The following PXDNL variants were observed in gnomAD, a reference collection of about 807,000 sequenced individuals.
PXDNL encodes the protein peroxidasin like, also known as probable oxidoreductase PXDNL.
In PXDNL, 145 loss-of-function variants were observed where a neutral mutation model predicts 150.8. That is an observed-to-expected ratio of 0.96 (90% CI 0.84 to 1.10). The LOEUF is 1.10. Ranked by LOEUF, PXDNL falls within the 50% of genes least tolerant of loss-of-function variation. PXDNL has a pLI of 0.00. For missense variants in PXDNL, 2,087 were observed against 1,873.9 expected (o/e 1.11, Z -2.10); for synonymous variants, 757 against 725.7 (o/e 1.04, Z -0.69).
chr8:51,708,752 A>G (rs979571366), intron 1 of PXDNL, among the ~76,000 whole-genome samples: 26 of 152,236 alleles, frequency 1.7e-4, no homozygotes, highest in African/African-American at 6.3e-4. Flanking sequence ...CCTTAGGTTC[A>G]ATTTATACCA....
chr8:51,488,458 G>A (rs566069703), intron 5 of PXDNL, among the ~76,000 whole-genome samples: 3 of 152,252 alleles, frequency 2.0e-5, no homozygotes, highest in African/African-American at 4.8e-5. Context: ...ACAGAACACC[G>A]ACAGCTAAGA....
At chr8:51,486,515 A>T (rs1247215597) in intron 5 of PXDNL, among the ~76,000 whole-genome samples, 1 of 151,922 alleles carries the variant, frequency 6.6e-6, no homozygotes, top group African/African-American at 2.4e-5. Flanking sequence ...CTAGAATACT[A>T]TCCCAGTAGT....
intron 2 of PXDNL, among the ~76,000 whole-genome samples, chr8:51,629,705 A>T (rs917591266): frequency 6.6e-6 from 1 of 152,178 alleles, no homozygotes; most frequent in East Asian, 1.9e-4. Context: ...AGCGACCCAC[A>T]GTAAGATTAA....
At chr8:51,389,204 T>A (rs1172319610) in intron 17 of PXDNL, among the ~76,000 whole-genome samples, 1 of 152,042 alleles carries the variant, frequency 6.6e-6, no homozygotes, top group Non-Finnish European at 1.5e-5. Context: ...GCCTAGAGAG[T>A]GATTTGACAT....
intron 1 of PXDNL, among the ~76,000 whole-genome samples, chr8:51,730,573 A>T (rs564053288): frequency 1.1e-4 from 17 of 152,310 alleles, no homozygotes; most frequent in Middle Eastern, 3.4e-3. Context: ...CTAATGGCTA[A>T]CCCTCTAATT....
At chr8:51,597,008 G>A (rs1813585403) in intron 2 of PXDNL, among the ~76,000 whole-genome samples, 1 of 152,134 alleles carries the variant, frequency 6.6e-6, no homozygotes, top group Non-Finnish European at 1.5e-5. Context: ...GTATTTCGTA[G>A]GTTTTCTTCT....
intron 7 of PXDNL, among the ~76,000 whole-genome samples, chr8:51,474,540 C>T (rs1207382044): frequency 6.6e-6 from 1 of 152,070 alleles, no homozygotes; most frequent in Non-Finnish European, 1.5e-5. Flanking sequence ...TTTAAAAAAT[C>T]AATTACTGAA....
At chr8:51,808,882 G>A (rs2037705589) in intron 1 of PXDNL, among the ~76,000 whole-genome samples, 1 of 152,192 alleles carries the variant, frequency 6.6e-6, no homozygotes, top group African/African-American at 2.4e-5. Flanking sequence ...AATAAATTGA[G>A]AAAGTATGCA....
At chr8:51,542,258 G>C (rs1418210112) in intron 4 of PXDNL, among the ~76,000 whole-genome samples, 1 of 152,020 alleles carries the variant, frequency 6.6e-6, no homozygotes, top group East Asian at 1.9e-4. Flanking sequence ...CCTCAGACAA[G>C]GTTACCCTGA....
intron 17 of PXDNL, among the ~76,000 whole-genome samples, chr8:51,375,063 A>C (rs1486337234): frequency 6.6e-6 from 1 of 152,178 alleles, no homozygotes; most frequent in Non-Finnish European, 1.5e-5. Context: ...GTGTTATGTC[A>C]TGTATAAATG....
chr8:51,475,614 C>A (rs1338897444), intron 6 of PXDNL, among the ~76,000 whole-genome samples: 2 of 152,050 alleles, frequency 1.3e-5, no homozygotes, highest in Non-Finnish European at 2.9e-5. Flanking sequence ...TAAAAATTTT[C>A]TTTAATTTCT....
chr8:51,406,783 C>T (rs904504353), intron 17 of PXDNL, among the ~76,000 whole-genome samples: 11 of 152,182 alleles, frequency 7.2e-5, no homozygotes, highest in Non-Finnish European at 4.4e-5. Context: ...AGCAGCTCCC[C>T]GGCTCCCCCG....
chr8:51,362,295 C>T (rs1355860764), intron 19 of PXDNL, among the ~76,000 whole-genome samples: 1 of 152,160 alleles, frequency 6.6e-6, no homozygotes, highest in Non-Finnish European at 1.5e-5. Context: ...TTGCTCTATT[C>T]CTTAATGGGC....
At chr8:51,361,098 T>G (rs1464720894) in intron 19 of PXDNL, among the ~76,000 whole-genome samples, 1 of 152,232 alleles carries the variant, frequency 6.6e-6, no homozygotes, top group Non-Finnish European at 1.5e-5. Context: ...TCACAGCAAC[T>G]GGGGATCATG....
At chr8:51,440,026 GTGAGACAGATATACATATATATA>G (rs890727710) in intron 12 of PXDNL, among the ~76,000 whole-genome samples, 1 of 151,348 alleles carries the variant, frequency 6.6e-6, no homozygotes, top group African/African-American at 2.4e-5. Flanking sequence ...TGAAGAAATT[GTGAGACAGATATACATATATATA>G]TATGTATATA....
At chr8:51,483,825 TGAGA>T in intron 5 of PXDNL, 111 bp from the exon 6 acceptor site, 1 of 658,222 alleles carries the variant, frequency 1.5e-6, no homozygotes, top group East Asian at 2.8e-5. Flanking sequence ...AATATTTCAG[TGAGA>T]AAGGGCAAAC....
At chr8:51,402,612 G>A (rs1040059081) in intron 17 of PXDNL, among the ~76,000 whole-genome samples, 12 of 152,102 alleles carry the variant, frequency 7.9e-5, no homozygotes, top group Admixed American at 4.6e-4. Flanking sequence ...AAAAGTAACC[G>A]TATCCACAAA....
chr8:51,442,730 T>C (rs186242804), intron 12 of PXDNL, among the ~76,000 whole-genome samples: 5 of 152,242 alleles, frequency 3.3e-5, no homozygotes, highest in Non-Finnish European at 7.4e-5. Flanking sequence ...ACTAATGTTT[T>C]TAATGTGCTA....
chr8:51,479,784 G>A (rs141391080), intron 6 of PXDNL, among the ~76,000 whole-genome samples: 55 of 152,220 alleles, frequency 3.6e-4, no homozygotes, highest in African/African-American at 1.3e-3. Context: ...TTAAGGTGAT[G>A]GTTACACTAA....
Sources: allele counts gnomAD v4.1 joint callset (sites outside exome capture counted in the v4.1 genomes callset), GRCh38; gene constraint gnomAD v4.1.1; transcripts MANE v1.5; gene names NCBI Gene and HGNC (gene_info 2026-07-23, HGNC 2026-07-21).